The following FCHSD2 variants were observed in gnomAD, a reference collection of about 807,000 sequenced individuals.
FCHSD2 encodes the protein F-BAR and double SH3 domains protein 2.
A neutral mutation model predicts 108.1 loss-of-function variants in FCHSD2; 38 were observed. The observed-to-expected ratio is 0.35, with a 90% CI of 0.27 to 0.46. The LOEUF is 0.46. Ranked by LOEUF, FCHSD2 falls within the 20% of genes least tolerant of loss-of-function variation. The probability of loss-of-function intolerance (pLI) is 1.00; values close to 1 mark genes in which losing one functional copy is unlikely to be tolerated. For synonymous variants in FCHSD2, 279 were observed against 314.7 expected (o/e 0.89, Z 1.20); for missense variants, 751 against 897.8 (o/e 0.84, Z 2.09).
intron 2 of FCHSD2, among the ~76,000 whole-genome samples, chr11:73,115,301 A>C (rs1318177710): frequency 2.6e-5 from 4 of 152,144 alleles, no homozygotes; most frequent in African/African-American, 9.7e-5. Context: ...GGTATGGAAG[A>C]GGGGTGGCGT....
chr11:72,928,561 C>T (rs1856124379), intron 8 of FCHSD2, among the ~76,000 whole-genome samples: 1 of 152,152 alleles, frequency 6.6e-6, no homozygotes, highest in African/African-American at 2.4e-5. Flanking sequence ...TAACGGCTTA[C>T]TGAGTTCCAA....
intron 12 of FCHSD2, among the ~76,000 whole-genome samples, chr11:72,871,698 C>T (rs1211517673): frequency 6.6e-6 from 1 of 151,674 alleles, no homozygotes; most frequent in African/African-American, 2.4e-5. Flanking sequence ...GAGCTATGAT[C>T]ATGCCTGTGA....
At chr11:72,846,732 T>C (rs749124405) in intron 14 of FCHSD2, among the ~76,000 whole-genome samples, 4 of 152,220 alleles carry the variant, frequency 2.6e-5, no homozygotes, top group Admixed American at 6.5e-5. Flanking sequence ...AAATTTCCTG[T>C]ATTTCTTTTA....
chr11:72,869,586 T>C (rs1487940074), intron 12 of FCHSD2: 1 of 152,014 alleles, frequency 6.6e-6, no homozygotes, highest in Non-Finnish European at 1.5e-5. Context: ...CATCCTTGCA[T>C]AGGGGCCATG....
intron 8 of FCHSD2, among the ~76,000 whole-genome samples, chr11:72,926,225 G>C (rs573780452): frequency 6.6e-6 from 1 of 152,160 alleles, no homozygotes; most frequent in Non-Finnish European, 1.5e-5. Flanking sequence ...CAGCAGACTA[G>C]AGTGGGGACT....
At chr11:73,030,366 A>T (rs908589440) in intron 3 of FCHSD2, among the ~76,000 whole-genome samples, 16 of 152,222 alleles carry the variant, frequency 1.1e-4, no homozygotes, top group African/African-American at 3.6e-4. Context: ...ACTAAATAAA[A>T]AAAACAAAAG....
intron 3 of FCHSD2, among the ~76,000 whole-genome samples, chr11:73,022,627 T>C (rs1193270375): frequency 2.0e-5 from 3 of 152,224 alleles, no homozygotes; most frequent in Non-Finnish European, 2.9e-5. Flanking sequence ...TCCATGTTAA[T>C]GACTTGGGAC....
rs11821583 is a variant in FCHSD2 at position 73,077,641 on chromosome 11, T to C, written c.165+6054A>G. 3,389 of 436,970 alleles carry C rather than the reference T, an allele frequency of 7.8e-3. 110 individuals carry two copies. Among genetic ancestry groups the C allele is most frequent in the African/African-American group, 0.065 (3,181 of 48,992 alleles). 27.1% of individuals were successfully genotyped at this position (436,970 alleles called of 1,614,324 possible). A position where few individuals can be genotyped will look rare whatever the true frequency, so the allele number is the denominator to read the frequency against. On this transcript the variant is annotated intron_variant, in intron 3 of 19. Coordinates refer to ENST00000409418, the MANE Select transcript of FCHSD2 (RefSeq NM_014824.3). ...ACATGTCCATCAACAGGAAAATGGATAAACTGTGGTATATCCATACAATGG... is the reference window on the plus strand; with the variant it reads ...ACATGTCCATCAACAGGAAAATGGACAAACTGTGGTATATCCATACAATGG...
At chr11:72,926,467 T>C (rs982722220) in intron 8 of FCHSD2, among the ~76,000 whole-genome samples, 4 of 151,956 alleles carry the variant, frequency 2.6e-5, no homozygotes, top group South Asian at 2.1e-4. Context: ...ACTCTCTCCA[T>C]TGAGAGCTGC....
At chr11:72,991,064 T>C (rs1168487980) in intron 5 of FCHSD2, among the ~76,000 whole-genome samples, 2 of 152,026 alleles carry the variant, frequency 1.3e-5, no homozygotes, top group Non-Finnish European at 2.9e-5. Context: ...CAAACTACCA[T>C]CAGAGAATAC....
At chr11:72,984,976 A>G in intron 7 of FCHSD2, 86 bp downstream of exon 7, 1 of 623,854 alleles carries the variant, frequency 1.6e-6, no homozygotes, top group Non-Finnish European at 2.9e-6. Flanking sequence ...GGTAGAAATA[A>G]TCCACCTCCA....
chr11:73,101,447 T>C (rs1392697283), intron 2 of FCHSD2, among the ~76,000 whole-genome samples: 22 of 152,214 alleles, frequency 1.4e-4, no homozygotes, highest in Non-Finnish European at 2.9e-4. Flanking sequence ...GTTGTTGTTG[T>C]TGCTGTTTTA....
chr11:73,012,650 G>A (rs956190421), intron 4 of FCHSD2, among the ~76,000 whole-genome samples: 4 of 151,996 alleles, frequency 2.6e-5, no homozygotes, highest in Non-Finnish European at 4.4e-5. Context: ...TTTCACAATA[G>A]CACCACCATC....
At position 72,983,015 on chromosome 11, in the gene FCHSD2, C is replaced by T. The variant is rs141828520; in HGVS notation, c.705+1073G>A. On this transcript the variant is annotated intron_variant, in intron 8 of 19. Coordinates refer to ENST00000409418, the MANE Select transcript of FCHSD2 (RefSeq NM_014824.3). ...TGTTTCTAAAAATAAAAGAAAGGGG[C>T]CGGGCGCGGTGGCTCATGCCTGTAA... Among the ~76,000 whole-genome samples the T allele has an allele frequency of 2.6e-4, 39 of 152,026 alleles. 1 individual carries two copies. The East Asian group carries it at 7.5e-3, about 29-fold the overall frequency.
chr11:72,867,445 G>A (rs1022720798), intron 13 of FCHSD2, among the ~76,000 whole-genome samples: 4 of 152,220 alleles, frequency 2.6e-5, no homozygotes, highest in South Asian at 2.1e-4. Flanking sequence ...CTAAGCCCAC[G>A]TACTAAGAAG....
At chr11:73,112,478 G>A (rs896386796) in intron 2 of FCHSD2, among the ~76,000 whole-genome samples, 8 of 152,084 alleles carry the variant, frequency 5.3e-5, no homozygotes, top group Middle Eastern at 3.2e-3. Context: ...TCTTCTTTGG[G>A]CTGAATCTGC....
chr11:73,062,860 C>A (rs1476089564), intron 3 of FCHSD2, among the ~76,000 whole-genome samples: 1 of 152,188 alleles, frequency 6.6e-6, no homozygotes, highest in East Asian at 1.9e-4. Context: ...TTGGAAAACA[C>A]ACTTCAGCGT....
At chr11:73,003,455 A>G (rs935769222) in intron 4 of FCHSD2, among the ~76,000 whole-genome samples, 15 of 151,976 alleles carry the variant, frequency 9.9e-5, no homozygotes, top group African/African-American at 3.6e-4. Context: ...TTTTCATTCC[A>G]ATTAAGGAAA....
At chr11:73,086,875 A>G (rs1859829283) in intron 2 of FCHSD2, among the ~76,000 whole-genome samples, 1 of 152,252 alleles carries the variant, frequency 6.6e-6, no homozygotes, top group African/African-American at 2.4e-5. Context: ...ATTCAGCTTT[A>G]AAAAGGAAGA....
Sources: gnomAD v4.1 joint callset for allele counts (sites outside exome capture counted in the v4.1 genomes callset) on GRCh38, gnomAD v4.1.1 for gene constraint, MANE v1.5 for transcripts, NCBI Gene and HGNC (gene_info 2026-07-23, HGNC 2026-07-21) for gene names.